CACNA2D3: variants seen among roughly 807,000 people sequenced by gnomAD.
The protein encoded by CACNA2D3 is voltage-dependent calcium channel subunit alpha-2/delta-3.
CACNA2D3 carries 60 observed loss-of-function variants against 160.6 expected under a neutral mutation model. That is an observed-to-expected ratio of 0.37 (90% CI 0.30 to 0.46). The LOEUF (loss-of-function observed/expected upper bound fraction) is 0.46, where lower values mean the gene tolerates loss of function less well. Ranked by LOEUF, CACNA2D3 falls within the 20% of genes least tolerant of loss-of-function variation. The pLI is 1.00. For missense variants in CACNA2D3, 1,205 were observed against 1,365.0 expected (o/e 0.88, Z 1.85); for synonymous variants, 558 against 492.9 (o/e 1.13, Z -1.75).
chr3:54,343,448 C>G (rs930366314), intron 3 of CACNA2D3, among the ~76,000 whole-genome samples: 4 of 152,108 alleles, frequency 2.6e-5, no homozygotes, highest in Non-Finnish European at 5.9e-5. Flanking sequence ...TGTGCCCCCA[C>G]GCCCAGCTAA....
chr3:54,808,148 A>G (rs1278003084), intron 13 of CACNA2D3, among the ~76,000 whole-genome samples: 1 of 151,864 alleles, frequency 6.6e-6, no homozygotes, highest in Non-Finnish European at 1.5e-5. Context: ...TGGCACATGT[A>G]TACATATGTA....
At chr3:54,328,062 C>T (rs1704155704) in intron 3 of CACNA2D3, among the ~76,000 whole-genome samples, 1 of 152,120 alleles carries the variant, frequency 6.6e-6, no homozygotes, top group Non-Finnish European at 1.5e-5. Flanking sequence ...AAACTTTTGT[C>T]CATTTATTTG....
intron 3 of CACNA2D3, among the ~76,000 whole-genome samples, chr3:54,330,833 T>A (rs190003584): frequency 3.3e-5 from 5 of 152,336 alleles, no homozygotes; most frequent in African/African-American, 1.2e-4. Flanking sequence ...TCCCTTGATG[T>A]GCTGGGAGTC....
rs1265902604 is a variant in CACNA2D3, at chr3:54,736,083, G to GTATACATATATA, written c.1168-16513_1168-16512insACATATATATAT. 1.2e-3 allele frequency among the ~76,000 whole-genome samples: 40 copies of GTATACATATATA among 34,230 alleles called. 1 individual carries two copies. Among genetic ancestry groups the GTATACATATATA allele is most frequent in the African/African-American group, 5.8e-3 (37 of 6,372 alleles). 22.5% of individuals were successfully genotyped at this position (34,230 alleles called of 152,430 possible). ...TATGTATATATATATACATATATAT[G>GTATACATATATA]TATGTGTATATATATACATATATAT... On this transcript the variant is annotated intron_variant, in intron 11 of 37. Transcript: ENST00000474759.
chr3:54,520,706 C>T (rs1701634495), intron 5 of CACNA2D3, among the ~76,000 whole-genome samples: 1 of 152,206 alleles, frequency 6.6e-6, no homozygotes, highest in African/African-American at 2.4e-5. Context: ...GTCACCATTA[C>T]ATTTTAGAGC....
Position 55,074,176 on chromosome 3 carries a change from CCCTCTG to C in CACNA2D3, c.3248_3253del (p.Pro1083_Leu1084del). ...AAGCCCAGACAGTCCTCCTTCTGCT[CCCTCTG>C]CTTTTGATGCTCTTCTCAAGGTGAC... On this transcript the variant is annotated inframe_deletion, in exon 38 of 38. Coordinates refer to ENST00000474759, the MANE Select transcript of CACNA2D3 (RefSeq NM_018398.3). The C allele has an allele frequency of 6.2e-7, 1 of 1,613,794 alleles. No individual in the cohort carries two copies. Among genetic ancestry groups the C allele is most frequent in the Non-Finnish European group, 8.5e-7 (1 of 1,179,758 alleles).
intron 26 of CACNA2D3, among the ~76,000 whole-genome samples, chr3:54,898,745 C>T (rs1700257637): frequency 6.6e-6 from 1 of 152,166 alleles, no homozygotes; most frequent in African/African-American, 2.4e-5. Flanking sequence ...TTTTTGGTAA[C>T]TGGGATTTTC....
Position 54,192,105 on chromosome 3 carries a change from CT to C in CACNA2D3, c.204+68526del, listed in dbSNP as rs1168605044. ...TAATGAGGAAACCTGGGATGCAGTG[CT>C]TTTTTTTTTTTTTTCTTTTTAATTC... On this transcript the variant is annotated intron_variant, in intron 2 of 37. Transcript: ENST00000474759. Among the ~76,000 whole-genome samples, 828 of 138,726 alleles carry C rather than the reference CT, an allele frequency of 6.0e-3. 2 individuals are homozygous for C. Among genetic ancestry groups the C allele is most frequent in the East Asian group, 0.013 (62 of 4,820 alleles). The allele number at this position is 138,726 out of a possible 152,430, so 91.0% of individuals were successfully genotyped here.
At chr3:54,792,926 A>C (rs1447777997) in intron 13 of CACNA2D3, among the ~76,000 whole-genome samples, 1 of 152,200 alleles carries the variant, frequency 6.6e-6, no homozygotes, top group Admixed American at 6.5e-5. Flanking sequence ...TGTTGCCAAA[A>C]GGAGGGACAG....
chr3:54,924,592 G>A (rs1559631496), intron 27 of CACNA2D3: 1 of 1,535,696 alleles, frequency 6.5e-7, no homozygotes, highest in Non-Finnish European at 9.0e-7. Flanking sequence ...ACACACAGAT[G>A]GGGGGTTCCA....
At chr3:54,634,894 CAG>C (rs572965777) in intron 10 of CACNA2D3, among the ~76,000 whole-genome samples, 37 of 152,108 alleles carry the variant, frequency 2.4e-4, no homozygotes, top group African/African-American at 8.5e-4. Context: ...ATGCAGGTCA[CAG>C]GGGATGCAAT....
intron 12 of CACNA2D3, among the ~76,000 whole-genome samples, chr3:54,758,707 C>T (rs1458024832): frequency 1.3e-5 from 2 of 152,142 alleles, no homozygotes; most frequent in African/African-American, 4.8e-5. Flanking sequence ...ACCTTCACTG[C>T]CCTGCTAAAT....
chr3:54,550,416 C>T (rs1702136875), intron 5 of CACNA2D3, among the ~76,000 whole-genome samples: 1 of 152,200 alleles, frequency 6.6e-6, no homozygotes, highest in African/African-American at 2.4e-5. Context: ...GAGCAGCTGG[C>T]ACCGCGTGGC....
intron 11 of CACNA2D3, among the ~76,000 whole-genome samples, chr3:54,737,829 T>C (rs1701564007): frequency 6.6e-6 from 1 of 152,142 alleles, no homozygotes; most frequent in African/African-American, 2.4e-5. Flanking sequence ...CACACCCAGC[T>C]AATTTGTTGT....
At chr3:54,925,300 A>T (rs1176380318) in intron 27 of CACNA2D3, 3 of 1,145,162 alleles carry the variant, frequency 2.6e-6, no homozygotes, top group Non-Finnish European at 3.8e-6. Context: ...TTTACAGGTA[A>T]TGTGCTTTCC....
chr3:54,901,836 A>G (rs1041219248), intron 27 of CACNA2D3, among the ~76,000 whole-genome samples: 8 of 152,162 alleles, frequency 5.3e-5, no homozygotes, highest in Non-Finnish European at 1.0e-4. Flanking sequence ...TGACCTCAAG[A>G]AGACCTCTCT....
intron 9 of CACNA2D3, among the ~76,000 whole-genome samples, chr3:54,615,953 G>T (rs530761606): frequency 1.4e-4 from 22 of 152,302 alleles, no homozygotes; most frequent in Non-Finnish European, 2.6e-4. Context: ...TAGGTTGTGT[G>T]CCCCTTATGA....
intron 14 of CACNA2D3, among the ~76,000 whole-genome samples, chr3:54,818,249 A>G (rs1173252714): frequency 2.6e-5 from 4 of 152,142 alleles, no homozygotes; most frequent in Admixed American, 6.5e-5. Context: ...GAGTGCAACA[A>G]TCTCGGCTCA....
chr3:54,291,256 C>A (rs140106236), intron 2 of CACNA2D3, among the ~76,000 whole-genome samples: 1 of 152,204 alleles, frequency 6.6e-6, no homozygotes, highest in East Asian at 1.9e-4. Flanking sequence ...AATAAAAATT[C>A]GTGTCTCCAC....
Sources: gnomAD v4.1 joint callset for allele counts (sites outside exome capture counted in the v4.1 genomes callset) on GRCh38, gnomAD v4.1.1 for gene constraint, MANE v1.5 for transcripts, NCBI Gene and HGNC (gene_info 2026-07-23, HGNC 2026-07-21) for gene names.